KIF3C: variants seen among roughly 807,000 people sequenced by gnomAD.
The protein encoded by KIF3C is kinesin family member 3C, also known as kinesin-like protein KIF3C.
KIF3C carries 12 observed loss-of-function variants against 67.7 expected under a neutral mutation model. That is an observed-to-expected ratio of 0.18 (90% CI 0.11 to 0.29). The LOEUF is 0.29. KIF3C is among the 10% of genes least tolerant of loss of function. The probability of loss-of-function intolerance (pLI) is 1.00; values close to 1 mark genes in which losing one functional copy is unlikely to be tolerated. For synonymous variants in KIF3C, 393 were observed against 426.2 expected (o/e 0.92, Z 0.96); for missense variants, 789 against 1,059.6 (o/e 0.74, Z 3.55).
rs1031016932 is a variant in KIF3C, at chr2:25,955,148, A to G, written c.1770+393T>C. On this transcript the variant is annotated intron_variant, in intron 3 of 7. Coordinates refer to ENST00000264712, the MANE Select transcript of KIF3C (RefSeq NM_002254.8). This position sits in a 1 kb window ranked among gnomAD's most constrained non-coding sequence, Gnocchi z 5.0. ...CTTGACATGTCCTTGAGGGCCTTACACTCCCCACCTGAGCTTCCCGGGGTT... is the reference window on the plus strand; with the variant it reads ...CTTGACATGTCCTTGAGGGCCTTACGCTCCCCACCTGAGCTTCCCGGGGTT... 9.3e-5 allele frequency among the ~76,000 whole-genome samples: 14 copies of G among 150,060 alleles called. No individual in the cohort carries two copies. The highest frequency in any genetic ancestry group is 3.0e-4 in the African/African-American group (12 of 40,628).
Position 25,981,303 on chromosome 2 carries a change from G to A in KIF3C, c.615C>T (p.Gly205=). 1 of 1,614,180 alleles carries A rather than the reference G, an allele frequency of 6.2e-7. No individual in the cohort carries two copies. Among genetic ancestry groups the A allele is most frequent in the Non-Finnish European group, 8.5e-7 (1 of 1,180,004 alleles). The change falls in exon 1 of 8, where the codon GGC becomes GGT. Residue 205 remains glycine (G), a synonymous_variant. Transcript: ENST00000264712. This position sits in a 1 kb window ranked among gnomAD's most constrained non-coding sequence, Gnocchi z 8.2. ...MNLGNQTRAV[G]STHMNEVSSR... The stretch of plus-strand genomic sequence containing the variant: ...AGCTGACCTCATTCATGTGGGTGCT[G>A]CCCACAGCCCGGGTCTGGTTCCCCA...
At chr2:25,963,762 G>A (rs575620911) in intron 1 of KIF3C, among the ~76,000 whole-genome samples, 6 of 150,346 alleles carry the variant, frequency 4.0e-5, no homozygotes, top group Admixed American at 2.7e-4. Context: ...GCGTGATCTC[G>A]GCTCACTGCA....
intron 1 of KIF3C, among the ~76,000 whole-genome samples, chr2:25,961,156 T>C (rs1663934964): frequency 6.6e-6 from 1 of 152,176 alleles, no homozygotes; most frequent in African/African-American, 2.4e-5. Flanking sequence ...TTACAGCACA[T>C]GGGGAAGCCA....
intron 5 of KIF3C, among the ~76,000 whole-genome samples, chr2:25,934,417 A>C (rs2090487913): frequency 6.6e-6 from 1 of 151,994 alleles, no homozygotes; most frequent in Non-Finnish European, 1.5e-5. Context: ...TTTCCCTGAC[A>C]AAAATACAAA....
At chr2:25,933,551 T>TCA (rs2090479636) in intron 5 of KIF3C, among the ~76,000 whole-genome samples, 1 of 151,954 alleles carries the variant, frequency 6.6e-6, no homozygotes, top group Non-Finnish European at 1.5e-5. Flanking sequence ...AGCACACACC[T>TCA]GTAATCCCAG....
chr2:25,957,339 T>A (rs1216789510), intron 1 of KIF3C, among the ~76,000 whole-genome samples: 1 of 152,192 alleles, frequency 6.6e-6, no homozygotes, highest in Non-Finnish European at 1.5e-5. Context: ...TGCTTTGGAA[T>A]CTGAAGCTGA....
At chr2:25,953,672 GTTT>G (rs70950142) in intron 4 of KIF3C, among the ~76,000 whole-genome samples, 19,537 of 99,172 alleles carry the variant, frequency 0.2, 1,454 homozygotes, top group Middle Eastern at 0.31. Context: ...TTTTGTTTTT[GTTT>G]TTTTTTTTTT....
chr2:25,980,809 C>A lies in KIF3C; in HGVS notation c.1109G>T (p.Arg370Leu), dbSNP rs1465878. 3.1e-6 allele frequency: 5 copies of A among 1,614,184 alleles called. No individual in the cohort carries two copies. Among genetic ancestry groups the A allele is most frequent in the Non-Finnish European group, 4.2e-6 (5 of 1,180,042 alleles). Residue 370 changes from arginine (R) to leucine (L), a missense_variant, in exon 1 of 8, where the codon CGG becomes CTG. By Grantham distance (102) the Arg-to-Leu change is moderately radical. This residue lies in a region of KIF3C where 648 missense variants were observed against 807.8 expected (regional missense o/e 0.80). Transcript: ENST00000264712. This position sits in a 1 kb window ranked among gnomAD's most constrained non-coding sequence, Gnocchi z 7.6. ...TGTGTCCTTGGGGTCCTCGTTCACC[C>A]GGGGCTTGTTCTTGATGTTCTTGGC... is the stretch of plus-strand genomic sequence containing the variant. The part of the protein sequence containing the change: ...NRAKNIKNKP[R>L]VNEDPKDTLL...
intron 5 of KIF3C, among the ~76,000 whole-genome samples, chr2:25,945,464 G>A (rs1165966146): frequency 6.6e-6 from 1 of 150,772 alleles, no homozygotes; most frequent in Admixed American, 6.6e-5. Context: ...CTACTTAGGA[G>A]GCTGAGGCAT....
At chr2:25,945,386 G>A (rs1381543941) in intron 5 of KIF3C, among the ~76,000 whole-genome samples, 4 of 151,070 alleles carry the variant, frequency 2.6e-5, no homozygotes, top group Non-Finnish European at 5.9e-5. Context: ...ATAATTCTTG[G>A]TCTGGGTAGT....
intron 1 of KIF3C, among the ~76,000 whole-genome samples, chr2:25,963,139 T>C (rs182716029): frequency 0.076 from 7,568 of 99,886 alleles, 579 homozygotes; most frequent in African/African-American, 0.14. Flanking sequence ...TGTATATATA[T>C]GCATATATGT....
intron 1 of KIF3C, among the ~76,000 whole-genome samples, chr2:25,973,579 A>C (rs1343134763): frequency 1.3e-5 from 2 of 151,190 alleles, no homozygotes; most frequent in African/African-American, 2.4e-5. Context: ...AAAGCTGTAC[A>C]TATTTAATGT....
At chr2:25,971,311 G>A (rs1254786762) in intron 1 of KIF3C, among the ~76,000 whole-genome samples, 53 of 149,774 alleles carry the variant, frequency 3.5e-4, no homozygotes, top group East Asian at 1.6e-3. Flanking sequence ...GTGGTGGCGC[G>A]CACCTGTAGT....
intron 1 of KIF3C, among the ~76,000 whole-genome samples, chr2:25,969,091 T>G (rs1262846209): frequency 6.6e-6 from 1 of 152,226 alleles, no homozygotes; most frequent in African/African-American, 2.4e-5. Flanking sequence ...CCCAAAGTGC[T>G]GGGATTACAG....
Position 25,981,686 on chromosome 2 carries a change from C to A in KIF3C, c.232G>T (p.Val78Leu), listed in dbSNP as rs769044393. The change falls in exon 1 of 8, where the codon GTG becomes TTG. Residue 78 changes from valine (V) to leucine (L), a missense_variant. Coordinates refer to ENST00000264712, the MANE Select transcript of KIF3C (RefSeq NM_002254.8). The surrounding 1 kb of genome is among the most constrained non-coding windows in gnomAD (Gnocchi z 8.2). Reference sequence around the variant, plus strand: ...AGCACGGAGTCTATCAGGGGCCTCACGGTTTCGTCATACAGGTCGGCCTGC... The same window carrying A: ...AGCACGGAGTCTATCAGGGGCCTCAAGGTTTCGTCATACAGGTCGGCCTGC... Reference protein sequence around the residue: ...SKQADLYDETVRPLIDSVLQG... With the variant: ...SKQADLYDETLRPLIDSVLQG... The A allele has an allele frequency of 6.2e-7, 1 of 1,613,908 alleles. No individual in the cohort carries two copies. Among genetic ancestry groups the A allele is most frequent in the Non-Finnish European group, 8.5e-7 (1 of 1,180,012 alleles).
intron 1 of KIF3C, among the ~76,000 whole-genome samples, chr2:25,963,699 T>C (rs1574493241): frequency 6.7e-6 from 1 of 148,322 alleles, no homozygotes; most frequent in Middle Eastern, 3.6e-3. Context: ...TTATTATTAT[T>C]ATTATTATTT....
rs772816621 is a variant in KIF3C at position 25,948,698 on chromosome 2, A to AGAAG, written c.2006+3087_2006+3090dup. The stretch of plus-strand genomic sequence containing the variant: ...AGAGAGAAAGAAAGAAAGGAAGGAA[A>AGAAG]GAAGGAAGGAAGGAAGGGAAAGAAA... On this transcript the variant is annotated intron_variant, in intron 5 of 7. Coordinates refer to ENST00000264712, the MANE Select transcript of KIF3C (RefSeq NM_002254.8). Among the ~76,000 whole-genome samples, 865 of 142,852 alleles carry AGAAG rather than the reference A, an allele frequency of 6.1e-3. 9 individuals carry two copies. Among genetic ancestry groups the AGAAG allele is most frequent in the African/African-American group, 0.021 (828 of 39,516 alleles). The allele number at this position is 142,852 out of a possible 152,430, so 93.7% of individuals were successfully genotyped here.
In KIF3C at chr2:25,956,391, G is replaced by A. The variant is rs139003766; in HGVS notation, c.1599C>T (p.Asn533=). The stretch of plus-strand genomic sequence containing the variant: ...TCAGTTCCAACATCTTCTGCTGTTC[G>A]TTGGTGTGATCCATGATGTTCCTGC... ...IGGRNIMDHT[N]EQQKMLELKR... is the part of the protein sequence containing the mutation. Residue 533 remains asparagine, a synonymous_variant, in exon 2 of 8, where the codon AAC becomes AAT. Transcript: ENST00000264712. 1.6e-4 allele frequency: 263 copies of A among 1,614,146 alleles called. 1 individual carries two copies. The African/African-American group carries it at 2.0e-3, about 12-fold the overall frequency.
At chr2:25,941,342 G>A (rs536894403) in intron 5 of KIF3C, among the ~76,000 whole-genome samples, 23 of 151,878 alleles carry the variant, frequency 1.5e-4, no homozygotes, top group African/African-American at 4.6e-4. Context: ...AGAATCTAGG[G>A]TGGCTGGGGT....
Sources: gnomAD v4.1 joint callset for allele counts (sites outside exome capture counted in the v4.1 genomes callset) on GRCh38, gnomAD v4.1.1 for gene constraint, gnomAD v4.1.1 regional missense constraint, Gnocchi (gnomAD v3.1) non-coding constraint, MANE v1.5 for transcripts, NCBI Gene and HGNC (gene_info 2026-07-23, HGNC 2026-07-21) for gene names.